ASIC2: variants seen among roughly 807,000 people sequenced by gnomAD.
The protein encoded by ASIC2 is acid sensing ion channel subunit 2.
ASIC2 carries 25 observed loss-of-function variants against 57.3 expected under a neutral mutation model. That is an observed-to-expected ratio of 0.44 (90% CI 0.32 to 0.61). The LOEUF (loss-of-function observed/expected upper bound fraction) is 0.61. Ranked by LOEUF, ASIC2 falls within the 20% of genes least tolerant of loss-of-function variation. The probability of loss-of-function intolerance (pLI) is 0.06; values close to 1 mark genes in which losing one functional copy is unlikely to be tolerated. For missense variants in ASIC2, 641 were observed against 738.1 expected (o/e 0.87, Z 1.52); for synonymous variants, 319 against 307.5 (o/e 1.04, Z -0.39).
At chr17:33,224,534 AGAAG>A (rs1237467334) in intron 1 of ASIC2, among the ~76,000 whole-genome samples, 1 of 152,224 alleles carries the variant, frequency 6.6e-6, no homozygotes, top group Non-Finnish European at 1.5e-5. Flanking sequence ...GGATCTAACT[AGAAG>A]GAAGAGCTGG....
intron 1 of ASIC2, among the ~76,000 whole-genome samples, chr17:33,153,944 G>A (rs1276818934): frequency 2.0e-5 from 3 of 152,144 alleles, no homozygotes; most frequent in Non-Finnish European, 2.9e-5. Flanking sequence ...GTTGGGTCTG[G>A]CAAATCACAG....
intron 2 of ASIC2, among the ~76,000 whole-genome samples, chr17:33,106,697 T>C (rs146833753): frequency 1.3e-5 from 2 of 152,160 alleles, no homozygotes; most frequent in East Asian, 3.9e-4. Flanking sequence ...CCACTGCTGA[T>C]TGGTCCAGGG....
chr17:33,203,397 G>A (rs1906951216), intron 1 of ASIC2, among the ~76,000 whole-genome samples: 1 of 152,174 alleles, frequency 6.6e-6, no homozygotes, highest in Non-Finnish European at 1.5e-5. Flanking sequence ...CACACAGTTG[G>A]AGGACTGACT....
chr17:33,413,347 G>T (rs913040406), intron 1 of ASIC2, among the ~76,000 whole-genome samples: 1 of 152,152 alleles, frequency 6.6e-6, no homozygotes, highest in Non-Finnish European at 1.5e-5. Context: ...AAAGCCATTA[G>T]CACCAATGAG....
intron 1 of ASIC2, among the ~76,000 whole-genome samples, chr17:33,207,935 G>A (rs1453928772): frequency 6.6e-6 from 1 of 152,166 alleles, no homozygotes; most frequent in African/African-American, 2.4e-5. Flanking sequence ...TTTCTTACCT[G>A]TCTTATTTCC....
rs568593856 is a variant in ASIC2 at position 34,096,587 on chromosome 17, C to T, written c.555+59391G>A. Among the ~76,000 whole-genome samples the T allele has an allele frequency of 1.1e-3, 162 of 152,158 alleles. 2 individuals are homozygous for T. Among genetic ancestry groups the T allele is most frequent in the African/African-American group, 3.5e-3 (146 of 41,526 alleles). On this transcript the variant is annotated intron_variant, in intron 1 of 9. Transcript: ENST00000359872. ...TTAAAAGGAGGCAGGATTGGCCGGG[C>T]ATGGTGGCTGTAATGCCAGCACTTT...
chr17:33,324,346 C>G (rs1427309468), intron 1 of ASIC2, among the ~76,000 whole-genome samples: 1 of 152,108 alleles, frequency 6.6e-6, no homozygotes, highest in African/African-American at 2.4e-5. Flanking sequence ...GGCAACTTGA[C>G]TCTCTGCCCC....
At chr17:33,082,230 G>A (rs1205892494) in intron 3 of ASIC2, among the ~76,000 whole-genome samples, 1 of 151,974 alleles carries the variant, frequency 6.6e-6, no homozygotes, top group Admixed American at 6.5e-5. Flanking sequence ...TAACGTTGGT[G>A]GGCCAACTAA....
intron 1 of ASIC2, among the ~76,000 whole-genome samples, chr17:33,600,164 C>T (rs1905088056): frequency 6.6e-6 from 1 of 152,164 alleles, no homozygotes; most frequent in African/African-American, 2.4e-5. Flanking sequence ...GAGGGAAACC[C>T]CAAAGGCCCT....
At chr17:33,825,256 C>T (rs1364563856) in intron 1 of ASIC2, among the ~76,000 whole-genome samples, 1 of 151,922 alleles carries the variant, frequency 6.6e-6, no homozygotes, top group Non-Finnish European at 1.5e-5. Context: ...CAAGGTGGAA[C>T]AATCAATGTG....
intron 3 of ASIC2, among the ~76,000 whole-genome samples, chr17:33,028,616 G>A (rs1294865351): frequency 2.0e-5 from 3 of 152,062 alleles, no homozygotes; most frequent in Admixed American, 2.0e-4. Flanking sequence ...TGAACTCCTG[G>A]CTCAAGCGAT....
intron 1 of ASIC2, among the ~76,000 whole-genome samples, chr17:33,719,679 A>G (rs1013621260): frequency 2.0e-5 from 3 of 152,318 alleles, no homozygotes; most frequent in Non-Finnish European, 2.9e-5. Flanking sequence ...ATTTAGCTAG[A>G]GGCTGCAATA....
intron 1 of ASIC2, among the ~76,000 whole-genome samples, chr17:33,332,094 A>G (rs1411090614): frequency 1.3e-5 from 2 of 152,232 alleles, no homozygotes; most frequent in Non-Finnish European, 2.9e-5. Flanking sequence ...AGGATTCTTT[A>G]CATCTAAATG....
intron 1 of ASIC2, among the ~76,000 whole-genome samples, chr17:33,495,758 G>A (rs1913912088): frequency 6.6e-6 from 1 of 152,164 alleles, no homozygotes; most frequent in Admixed American, 6.5e-5. Flanking sequence ...CTGTGGGGAG[G>A]CCTGCCATGG....
chr17:33,436,863 T>C (rs1391558775), intron 1 of ASIC2, among the ~76,000 whole-genome samples: 10 of 114,296 alleles, frequency 8.7e-5, no homozygotes, highest in African/African-American at 2.2e-4. Flanking sequence ...CTTTTTTTTT[T>C]TTTTTTTTTT....
chr17:33,362,992 G>A (rs1458751916), intron 1 of ASIC2, among the ~76,000 whole-genome samples: 3 of 152,166 alleles, frequency 2.0e-5, no homozygotes, highest in Non-Finnish European at 2.9e-5. Context: ...TCCTCTTAAT[G>A]ACTTTGATAA....
chr17:33,894,334 C>T (rs1000124258), intron 1 of ASIC2, among the ~76,000 whole-genome samples: 14 of 136,036 alleles, frequency 1.0e-4, no homozygotes, highest in African/African-American at 3.0e-4. Context: ...GCTCTGCGTG[C>T]GTGCGTGCGT....
At chr17:33,646,051 C>G (rs1485798986) in intron 1 of ASIC2, among the ~76,000 whole-genome samples, 1 of 152,110 alleles carries the variant, frequency 6.6e-6, no homozygotes, top group Non-Finnish European at 1.5e-5. Flanking sequence ...TGCCTGATCT[C>G]AAAGCACTAA....
intron 1 of ASIC2, among the ~76,000 whole-genome samples, chr17:33,754,011 A>C (rs1169391897): frequency 6.6e-6 from 1 of 152,176 alleles, no homozygotes; most frequent in African/African-American, 2.4e-5. Flanking sequence ...TTTCTGCTCC[A>C]TGTTTCTATG....
Sources: gnomAD v4.1 joint callset for allele counts (sites outside exome capture counted in the v4.1 genomes callset) on GRCh38, gnomAD v4.1.1 for gene constraint, MANE v1.5 for transcripts, NCBI Gene and HGNC (gene_info 2026-07-23, HGNC 2026-07-21) for gene names.